ZC3H12B: variants seen among roughly 807,000 people sequenced by gnomAD.
ZC3H12B encodes the protein zinc finger CCCH-type containing 12B.
A neutral mutation model predicts 43.9 loss-of-function variants in ZC3H12B; 7 were observed. The observed-to-expected ratio is 0.16, with a 90% CI of 0.09 to 0.30. The LOEUF is 0.30. Among genes scored for constraint, ZC3H12B ranks in the 10% least tolerant of loss-of-function variants. ZC3H12B has a pLI of 1.00. For synonymous variants in ZC3H12B, 222 were observed against 241.7 expected, an observed-to-expected ratio of 0.92 and a Z score of 0.76; for missense variants, 475 against 670.2, an observed-to-expected ratio of 0.71 and a Z score of 3.22.
chrX:65,116,248 T>A, the ZC3H12B span, among the ~76,000 whole-genome samples: 2 of 111,703 alleles, frequency 1.8e-5, no homozygotes, highest in Non-Finnish European at 3.8e-5. Context: ...TGAGATCCAC[T>A]TGGATTCTTC....
chrX:65,456,503 G>A (rs1235535280), intron 3 of ZC3H12B, among the ~76,000 whole-genome samples: 6 of 98,811 alleles, frequency 6.1e-5, no homozygotes, highest in African/African-American at 2.2e-4. Context: ...AAGCTGGACG[G>A]TACTGCTGCC....
the ZC3H12B span, among the ~76,000 whole-genome samples, chrX:65,148,100 T>C: frequency 6.1e-4 from 68 of 110,845 alleles, no homozygotes; most frequent in African/African-American, 1.9e-3. Context: ...GCCTGGAGGA[T>C]AGGGCCACAG....
At chrX:65,322,075 T>C in the ZC3H12B span, among the ~76,000 whole-genome samples, 17 of 111,639 alleles carry the variant, frequency 1.5e-4, no homozygotes, top group African/African-American at 5.2e-4. Context: ...AAGCAGCATG[T>C]CACCAACATC....
intron 3 of ZC3H12B, among the ~76,000 whole-genome samples, chrX:65,404,024 A>G (rs1039505996): frequency 1.8e-5 from 2 of 112,409 alleles, no homozygotes; most frequent in Non-Finnish European, 3.8e-5. Context: ...TAATAACTAC[A>G]ACAACTTCTT....
chrX:65,213,567 T>A, the ZC3H12B span, among the ~76,000 whole-genome samples: 1 of 111,068 alleles, frequency 9.0e-6, no homozygotes, highest in African/African-American at 3.3e-5. Context: ...CATGTTGAAA[T>A]GTGATCTCAG....
chrX:65,396,850 G>C (rs1225546111), intron 2 of ZC3H12B, among the ~76,000 whole-genome samples: 1 of 111,011 alleles, frequency 9.0e-6, no homozygotes, highest in Admixed American at 9.6e-5. Flanking sequence ...CCCCTTTGTA[G>C]GTCACCAAGA....
exon 5 of ZC3H12B, chrX:65,503,036 T>G: frequency 8.3e-7 from 1 of 1,211,182 alleles, no homozygotes; most frequent in Non-Finnish European, 1.1e-6. Context: ...GGTTGGAATG[T>G]GCAATGATTC....
At chrX:65,142,434 A>AC in the ZC3H12B span, among the ~76,000 whole-genome samples, 1 of 111,573 alleles carries the variant, frequency 9.0e-6, no homozygotes, top group South Asian at 3.7e-4. Context: ...TTGTTAAAGA[A>AC]TTTTTCCCAC....
chrX:65,158,785 C>T, the ZC3H12B span, among the ~76,000 whole-genome samples: 307 of 111,888 alleles, frequency 2.7e-3, 3 homozygotes, highest in African/African-American at 9.5e-3. Flanking sequence ...AATTAGATCC[C>T]ATTTGTCAAT....
At chrX:65,231,628 G>T in the ZC3H12B span, among the ~76,000 whole-genome samples, 1 of 111,220 alleles carries the variant, frequency 9.0e-6, no homozygotes, top group African/African-American at 3.3e-5. Flanking sequence ...AAAGAATTCA[G>T]TGATATCTCT....
chrX:65,175,770 C>T, the ZC3H12B span, among the ~76,000 whole-genome samples: 1 of 112,144 alleles, frequency 8.9e-6, no homozygotes, highest in East Asian at 2.8e-4. Context: ...CGTTGCCTCA[C>T]CTGGGAAGCT....
chrX:65,140,015 A>T, the ZC3H12B span, among the ~76,000 whole-genome samples: 2 of 110,628 alleles, frequency 1.8e-5, no homozygotes, highest in South Asian at 7.7e-4. Flanking sequence ...TTCTCTCTCT[A>T]TAAGACCATG....
intron 3 of ZC3H12B, among the ~76,000 whole-genome samples, chrX:65,403,102 A>G (rs774804229): frequency 8.9e-6 from 1 of 112,241 alleles, no homozygotes; most frequent in Non-Finnish European, 1.9e-5. Flanking sequence ...GAAATTCAGA[A>G]TTTTATCAGA....
At chrX:65,117,583 A>G in the ZC3H12B span, among the ~76,000 whole-genome samples, 1 of 111,475 alleles carries the variant, frequency 9.0e-6, no homozygotes, top group East Asian at 2.8e-4. Context: ...CCATGTGTCA[A>G]TTTTGTCTTT....
the ZC3H12B span, among the ~76,000 whole-genome samples, chrX:65,190,309 A>C: frequency 9.0e-6 from 1 of 110,707 alleles, no homozygotes; most frequent in Non-Finnish European, 1.9e-5. Context: ...ATGAACTTTA[A>C]AGTATTTTTT....
At chrX:65,418,682 G>A (rs149269533) in intron 3 of ZC3H12B, among the ~76,000 whole-genome samples, 46 of 111,646 alleles carry the variant, frequency 4.1e-4, no homozygotes, top group African/African-American at 1.4e-3. Context: ...AATCTTACTC[G>A]ATCTGTATAA....
intron 2 of ZC3H12B, among the ~76,000 whole-genome samples, chrX:65,386,289 G>A (rs2066524271): frequency 9.0e-6 from 1 of 111,426 alleles, no homozygotes; most frequent in South Asian, 3.7e-4. Context: ...ACTTTTTTTG[G>A]TTGGTAGGCT....
At chrX:65,254,798 G>T in the ZC3H12B span, among the ~76,000 whole-genome samples, 2 of 110,978 alleles carry the variant, frequency 1.8e-5, no homozygotes. Flanking sequence ...ACCAAATCCA[G>T]GAATTCTAAG....
the ZC3H12B span, among the ~76,000 whole-genome samples, chrX:65,086,697 A>C: frequency 8.9e-6 from 1 of 112,446 alleles, no homozygotes. Context: ...GGAAGTGGCC[A>C]TCATCAGGCA....
Sources: gnomAD v4.1 joint callset for allele counts (sites outside exome capture counted in the v4.1 genomes callset) on GRCh38, gnomAD v4.1.1 for gene constraint, MANE v1.5 for transcripts, NCBI Gene and HGNC (gene_info 2026-07-23, HGNC 2026-07-21) for gene names.